APOL1: variants seen among roughly 807,000 people sequenced by gnomAD.
The protein encoded by APOL1 is apolipoprotein L 1.
In APOL1, 17 loss-of-function variants were observed where a neutral mutation model predicts 14.9. The observed-to-expected ratio is 1.14, with a 90% CI of 0.78 to 1.71. The LOEUF (loss-of-function observed/expected upper bound fraction) is 1.71. Among genes scored for constraint, APOL1 ranks in the 40% most tolerant of loss-of-function variants. The pLI is 0.00. For synonymous variants in APOL1, 195 were observed against 184.8 expected, an observed-to-expected ratio of 1.05 and a Z score of -0.45; for missense variants, 523 against 485.9, an observed-to-expected ratio of 1.08 and a Z score of -0.72.
At chr22:36,260,276 T>C (rs2016036791) in intron 4 of APOL1, among the ~76,000 whole-genome samples, 1 of 152,070 alleles carries the variant, frequency 6.6e-6, no homozygotes, top group Non-Finnish European at 1.5e-5. Context: ...GCGCCTGTAG[T>C]CCCAGCTACT....
chr22:36,258,335 A>G (rs2015960806), intron 4 of APOL1, among the ~76,000 whole-genome samples: 1 of 152,240 alleles, frequency 6.6e-6, no homozygotes, highest in African/African-American at 2.4e-5. Flanking sequence ...GAATTGGGAA[A>G]CAGCAAACTG....
chr22:36,266,722 A>T lies in APOL1; in HGVS notation c.*689A>T, dbSNP rs189436505. The T allele has an allele frequency of 6.5e-4, 221 of 342,032 alleles. 1 individual carries two copies. The East Asian group carries it at 8.8e-3, about 14-fold the overall frequency. 21.2% of individuals were successfully genotyped at this position (342,032 alleles called of 1,614,324 possible). On this transcript the variant is annotated 3_prime_UTR_variant, in exon 6 of 6. Coordinates refer to ENST00000397278, the MANE Select transcript of APOL1 (RefSeq NM_003661.4). The stretch of plus-strand genomic sequence containing the variant: ...AGATCGAGACCATCCTGGCTAACAC[A>T]GTGAAACCCCGTCTCTACTAAAAAT...
intron 5 of APOL1, among the ~76,000 whole-genome samples, chr22:36,264,086 G>T (rs2016157013): frequency 6.6e-6 from 1 of 152,308 alleles, no homozygotes; most frequent in South Asian, 2.1e-4. Flanking sequence ...TCGGCGCCTA[G>T]TGGAGAAGAG....
In APOL1 at chr22:36,261,653, A is replaced by G; in HGVS notation, c.245A>G (p.Gln82Arg). ...IKYFKEKVSTQNLLLLLTDNE... is the reference protein window; with the variant it reads ...IKYFKEKVSTRNLLLLLTDNE... ...TATTTCAAGGAAAAAGTGAGCACACAGAATCTGCTACTCCTGCTGACTGAT... is the reference window on the plus strand; with the variant it reads ...TATTTCAAGGAAAAAGTGAGCACACGGAATCTGCTACTCCTGCTGACTGAT... The change falls in exon 5 of 6, where the codon CAG becomes CGG. Residue 82 changes from glutamine (Q) to arginine (R), a missense_variant. Coordinates refer to ENST00000397278, the MANE Select transcript of APOL1 (RefSeq NM_003661.4). 1 of 1,614,154 alleles carries G rather than the reference A, an allele frequency of 6.2e-7. No homozygotes were observed. The highest frequency in any genetic ancestry group is 8.5e-7 in the Non-Finnish European group (1 of 1,179,970).
intron 5 of APOL1, among the ~76,000 whole-genome samples, chr22:36,264,061 T>C (rs1230508728): frequency 6.6e-6 from 1 of 152,144 alleles, no homozygotes; most frequent in Non-Finnish European, 1.5e-5. Flanking sequence ...AGTGGGTGGC[T>C]GTGGAAGGCC....
chr22:36,257,554 TC>T, intron 4 of APOL1, 147 bp downstream of exon 4: 1 of 819,922 alleles, frequency 1.2e-6, no homozygotes, highest in South Asian at 1.5e-5. Context: ...TCACGTGGAG[TC>T]CCCCGACCCA....
Position 36,257,122 on chromosome 22 carries a change from G to A in APOL1, c.84G>A (p.Glu28=). The change falls in exon 3 of 6, where the codon GAG becomes GAA. Residue 28 remains glutamate (E), a synonymous_variant. Coordinates refer to ENST00000397278, the MANE Select transcript of APOL1 (RefSeq NM_003661.4). ...TCCTTGGTGTGGGAGTGAGGGCAGAGGAAGCTGGAGCGAGGTGAGTGTCTG... is the reference window on the plus strand; with the variant it reads ...TCCTTGGTGTGGGAGTGAGGGCAGAAGAAGCTGGAGCGAGGTGAGTGTCTG... ...ALFLGVGVRA[E]EAGARVQQNV... 6.2e-7 allele frequency: 1 copy of A among 1,614,180 alleles called. No homozygotes were observed. The highest frequency in any genetic ancestry group is 8.5e-7 in the Non-Finnish European group (1 of 1,180,026).
intron 5 of APOL1, among the ~76,000 whole-genome samples, chr22:36,262,757 C>G (rs2016116462): frequency 6.6e-6 from 1 of 152,216 alleles, no homozygotes; most frequent in Non-Finnish European, 1.5e-5. Flanking sequence ...TTGCCTGTGT[C>G]TCTCACACCA....
chr22:36,266,766 A>G lies in APOL1; in HGVS notation c.*733A>G, dbSNP rs938634395. On this transcript the variant is annotated 3_prime_UTR_variant, in exon 6 of 6. Transcript: ENST00000397278. ...TAAAAATACAAAAAATTAGCCGGGC[A>G]TGGTGGCGGGCGCCTGTAGTTCCAG... is the stretch of plus-strand genomic sequence containing the variant. The G allele has an allele frequency of 2.5e-4, 80 of 325,952 alleles. 1 individual carries two copies. The highest frequency in any genetic ancestry group is 8.5e-4 in the East Asian group (19 of 22,438). The allele number at this position is 325,952 out of a possible 1,614,324, so 20.2% of individuals were successfully genotyped here.
rs2016308410 is a variant in APOL1 at position 36,267,392 on chromosome 22, C to T, written c.*1359C>T. The T allele has an allele frequency of 6.6e-6, 1 of 152,192 alleles. No homozygotes were observed. The highest frequency in any genetic ancestry group is 2.4e-5 in the African/African-American group (1 of 41,430). 9.4% of individuals were successfully genotyped at this position (152,192 alleles called of 1,614,324 possible). A position where few individuals can be genotyped will look rare whatever the true frequency, so the allele number is the denominator to read the frequency against. On this transcript the variant is annotated 3_prime_UTR_variant, in exon 6 of 6. Transcript: ENST00000397278. ...ATGAAAACAGTCCCATCGCTCTTAC[C>T]CGGTAAGTAAACAGTCAGAAAATTA...
Position 36,256,947 on chromosome 22 carries a change from A to G in APOL1, c.45-136A>G, listed in dbSNP as rs1433825852. On this transcript the variant is annotated intron_variant, in intron 2 of 5. Coordinates refer to ENST00000397278, the MANE Select transcript of APOL1 (RefSeq NM_003661.4). ...ACACACTGGCTATCACCAGCTAGTTATCACACATGCTCCCAGGCCCTGGTC... is the reference window on the plus strand; with the variant it reads ...ACACACTGGCTATCACCAGCTAGTTGTCACACATGCTCCCAGGCCCTGGTC... The G allele has an allele frequency of 8.2e-6, 7 of 852,836 alleles. No individual in the cohort carries two copies. The East Asian group carries it at 1.6e-4, about 19-fold the overall frequency. The allele number at this position is 852,836 out of a possible 1,614,324, so 52.8% of individuals were successfully genotyped here.
rs4820224 is a variant in APOL1, at chr22:36,257,229, G to A, written c.99-90G>A. Reference sequence around the variant, plus strand: ...TTGGTGTTTGCTTCCACCCCAGAGAGATTTGCAGAGCCCCGGCTGCTCAAG... The same window carrying A: ...TTGGTGTTTGCTTCCACCCCAGAGAAATTTGCAGAGCCCCGGCTGCTCAAG... On this transcript the variant is annotated intron_variant, in intron 3 of 5. Coordinates refer to ENST00000397278, the MANE Select transcript of APOL1 (RefSeq NM_003661.4). The A allele has an allele frequency of 0.1, 161,274 of 1,603,610 alleles. 8,780 individuals carry two copies. Among genetic ancestry groups the A allele is most frequent in the Middle Eastern group, 0.11 (693 of 6,034 alleles).
Position 36,267,485 on chromosome 22 carries a change from T to C in APOL1, c.*1452T>C, listed in dbSNP as rs899420321. ...GAGCTGTCTTGTCGCCGCCCAGGATTGACCTGTGTGTAAGTCCCAATAAAC... is the reference window on the plus strand; with the variant it reads ...GAGCTGTCTTGTCGCCGCCCAGGATCGACCTGTGTGTAAGTCCCAATAAAC... On this transcript the variant is annotated 3_prime_UTR_variant, in exon 6 of 6. Transcript: ENST00000397278. The C allele has an allele frequency of 6.8e-6, 1 of 146,286 alleles. No individual in the cohort carries two copies. Among genetic ancestry groups the C allele is most frequent in the Non-Finnish European group, 1.5e-5 (1 of 65,680 alleles). 9.1% of individuals were successfully genotyped at this position (146,286 alleles called of 1,614,324 possible). A position where few individuals can be genotyped will look rare whatever the true frequency, so the allele number is the denominator to read the frequency against.
At position 36,266,098 on chromosome 22, in the gene APOL1, T is replaced by TC; in HGVS notation, c.*65_*66insC. 1 of 1,507,144 alleles carries TC rather than the reference T, an allele frequency of 6.6e-7. No individual in the cohort carries two copies. Among genetic ancestry groups the TC allele is most frequent in the Non-Finnish European group, 8.9e-7 (1 of 1,127,378 alleles). 93.4% of individuals were successfully genotyped at this position (1,507,144 alleles called of 1,614,324 possible). A position where few individuals can be genotyped will look rare whatever the true frequency, so the allele number is the denominator to read the frequency against. On this transcript the variant is annotated 3_prime_UTR_variant, in exon 6 of 6. Transcript: ENST00000397278. The stretch of plus-strand genomic sequence containing the variant: ...AGGGGCCAGGACAAAATGCAAACTT[T>TC]TTTTTTTTTCTGAGACAGAGTCTTG...
At chr22:36,256,961 C>A in intron 2 of APOL1, 122 bp from the exon 3 acceptor site, 2 of 1,035,622 alleles carry the variant, frequency 1.9e-6, no homozygotes, top group East Asian at 2.6e-5. Flanking sequence ...CACATGCTCC[C>A]AGGCCCTGGT....
chr22:36,260,849 C>A (rs1486915139), intron 4 of APOL1, among the ~76,000 whole-genome samples: 2 of 152,254 alleles, frequency 1.3e-5, no homozygotes, highest in Non-Finnish European at 1.5e-5. Context: ...ACGCTTGGTA[C>A]ACTCTGATAT....
intron 2 of APOL1, among the ~76,000 whole-genome samples, chr22:36,255,311 C>T (rs189719178): frequency 3.2e-5 from 2 of 61,726 alleles, no homozygotes; most frequent in Admixed American, 1.5e-4. Flanking sequence ...GAGGCACCAG[C>T]TCTCTCTACC....
chr22:36,261,916 G>T (rs774759240), intron 5 of APOL1, among the ~76,000 whole-genome samples, 194 bp downstream of exon 5: 4 of 152,194 alleles, frequency 2.6e-5, no homozygotes, highest in Non-Finnish European at 5.9e-5. Flanking sequence ...CAGGCTGAGG[G>T]GATAGGAAGC....
At chr22:36,259,783 T>C (rs1439686231) in intron 4 of APOL1, 1 of 1,304,134 alleles carries the variant, frequency 7.7e-7, no homozygotes, top group Non-Finnish European at 1.0e-6. Context: ...CCCGCCCCCA[T>C]GCCCCGTCGA....
Sources: allele counts gnomAD v4.1 joint callset (sites outside exome capture counted in the v4.1 genomes callset), GRCh38; gene constraint gnomAD v4.1.1; transcripts MANE v1.5; gene names NCBI Gene and HGNC (gene_info 2026-07-23, HGNC 2026-07-21).